The following CDC123 variants were observed in gnomAD, a reference collection of about 807,000 sequenced individuals.
CDC123 encodes the protein translation initiation factor eIF2 assembly protein.
Under a neutral mutation model 54.4 loss-of-function variants are expected in CDC123, and 37 were observed. The ratio of observed to expected loss-of-function variants is 0.68; its 90% confidence interval spans 0.52 to 0.89. The LOEUF is 0.89. CDC123 is among the 40% of genes least tolerant of loss of function. The pLI is 0.00. For missense variants in CDC123, 361 were observed against 412.1 expected (o/e 0.88, Z 1.07); for synonymous variants, 144 against 136.8 (o/e 1.05, Z -0.37).
chr10:12,248,323 C>T (rs1399822139), intron 11 of CDC123, among the ~76,000 whole-genome samples: 1 of 151,860 alleles, frequency 6.6e-6, no homozygotes, highest in Non-Finnish European at 1.5e-5. Flanking sequence ...GCCTGGCCAA[C>T]ATGGTGAAAC....
chr10:12,216,849 C>G (rs1161093917), intron 5 of CDC123, among the ~76,000 whole-genome samples: 1 of 152,152 alleles, frequency 6.6e-6, no homozygotes, highest in African/African-American at 2.4e-5. Context: ...GAGACATTCA[C>G]CATTTAAAGT....
At chr10:12,242,932 ACT>A (rs1453131058) in intron 10 of CDC123, among the ~76,000 whole-genome samples, 1 of 151,090 alleles carries the variant, frequency 6.6e-6, no homozygotes, top group African/African-American at 2.4e-5. Context: ...ACAGGGCGAG[ACT>A]CTGTCTCAAA....
chr10:12,248,076 A>G (rs755087966), intron 11 of CDC123, among the ~76,000 whole-genome samples: 3 of 152,232 alleles, frequency 2.0e-5, no homozygotes, highest in Non-Finnish European at 2.9e-5. Flanking sequence ...CTTGAGAACC[A>G]GTGTTTATAT....
intron 10 of CDC123, chr10:12,245,924 G>T: frequency 2.6e-6 from 1 of 389,764 alleles, no homozygotes; most frequent in Non-Finnish European, 4.6e-6. Flanking sequence ...ACAAAAATTA[G>T]CTGCATGTGG....
chr10:12,229,234 G>A (rs995364772), intron 6 of CDC123, among the ~76,000 whole-genome samples: 4 of 152,132 alleles, frequency 2.6e-5, no homozygotes, highest in Non-Finnish European at 5.9e-5. Flanking sequence ...TTAAACCCCT[G>A]GTACCTGTGA....
chr10:12,203,062 TGAAGAGATGCGTAGGGTGAGGTGTAGGG>T (rs1219579454), intron 2 of CDC123, among the ~76,000 whole-genome samples: 14 of 152,324 alleles, frequency 9.2e-5, no homozygotes, highest in African/African-American at 3.4e-4. Context: ...TGGATACAGA[TGAAGAGATGCGTAGGGTGAGGTGTAGGG>T]GAAGGGATGC....
intron 10 of CDC123, among the ~76,000 whole-genome samples, chr10:12,242,393 G>A (rs11257613): frequency 0.47 from 72,178 of 151,958 alleles, 17,557 homozygotes; most frequent in Middle Eastern, 0.56. Flanking sequence ...CATTGCCATT[G>A]TTGGATGGCT....
intron 2 of CDC123, among the ~76,000 whole-genome samples, chr10:12,199,854 G>A (rs541841986): frequency 2.0e-5 from 3 of 152,018 alleles, no homozygotes; most frequent in South Asian, 2.1e-4. Context: ...ACAGAGTCTC[G>A]CTCTGTCACC....
chr10:12,215,751 T>G lies in CDC123; in HGVS notation c.249T>G (p.Phe83Leu). The part of the protein sequence containing the change: ...ENTATLTAPE[F>L]PEFATKVQEA... Reference sequence around the variant, plus strand: ...TTCTCTCTCTGTAGGCACCAGAATTTCCTGAGTTTGCCACTAAAGTCCAGG... The same window carrying G: ...TTCTCTCTCTGTAGGCACCAGAATTGCCTGAGTTTGCCACTAAAGTCCAGG... Residue 83 changes from phenylalanine to leucine, a missense_variant, in exon 5 of 13, where the codon TTT becomes TTG. Phe to Leu is a conservative substitution (Grantham distance 22). Coordinates refer to ENST00000281141, the MANE Select transcript of CDC123 (RefSeq NM_006023.3). 1 of 1,609,454 alleles carries G rather than the reference T, an allele frequency of 6.2e-7. No homozygotes were observed. The highest frequency in any genetic ancestry group is 8.5e-7 in the Non-Finnish European group (1 of 1,177,924).
At chr10:12,222,775 A>G (rs1402042885) in intron 6 of CDC123, among the ~76,000 whole-genome samples, 2 of 152,206 alleles carry the variant, frequency 1.3e-5, no homozygotes, top group African/African-American at 4.8e-5. Flanking sequence ...TTTTTTCAAG[A>G]TAGAGTCTCA....
chr10:12,200,119 C>CCTTTTTTTTTTTTTTTT (rs1564431631), intron 2 of CDC123, among the ~76,000 whole-genome samples: 7 of 24,278 alleles, frequency 2.9e-4, no homozygotes, highest in African/African-American at 8.0e-4. Context: ...CCGCACTCGG[C>CCTTTTTTTTTTTTTTTT]ATTTTTTTTT....
At chr10:12,197,348 T>C (rs780255079) in intron 1 of CDC123, among the ~76,000 whole-genome samples, 1 of 151,604 alleles carries the variant, frequency 6.6e-6, no homozygotes, top group Non-Finnish European at 1.5e-5. Context: ...GTAATAAGAT[T>C]TGTTAGAAGA....
At position 12,228,954 on chromosome 10, in the gene CDC123, A is replaced by G. The variant is rs548250700; in HGVS notation, c.441-1994A>G. On this transcript the variant is annotated intron_variant, in intron 6 of 12. Transcript: ENST00000281141. ...GGTCTCGAGTTCCTGAACTCAAGCA[A>G]TCGGCCCGCCTCAGCCTCCCAGAGT... Among the ~76,000 whole-genome samples, 9 of 152,264 alleles carry G rather than the reference A, an allele frequency of 5.9e-5. No homozygotes were observed. The East Asian group carries it at 7.7e-4, about 13-fold the overall frequency.
intron 11 of CDC123, among the ~76,000 whole-genome samples, chr10:12,248,699 G>T (rs113821372): frequency 6.6e-6 from 1 of 152,048 alleles, no homozygotes; most frequent in Admixed American, 6.6e-5. Context: ...CCAGCCACTC[G>T]GGAGGCTGAG....
chr10:12,211,269 A>T (rs1835596631), intron 4 of CDC123, among the ~76,000 whole-genome samples: 1 of 152,094 alleles, frequency 6.6e-6, no homozygotes, highest in Non-Finnish European at 1.5e-5. Context: ...TTTTAGTGAA[A>T]CTCCTTACAA....
chr10:12,220,809 C>G (rs904847352), intron 6 of CDC123, among the ~76,000 whole-genome samples: 2 of 152,094 alleles, frequency 1.3e-5, no homozygotes, highest in African/African-American at 4.8e-5. Context: ...AACCCCGTCT[C>G]TACTGAAAAT....
chr10:12,249,681 G>A lies in CDC123; in HGVS notation c.947G>A (p.Gly316Glu). 1 of 1,614,076 alleles carries A rather than the reference G, an allele frequency of 6.2e-7. No individual in the cohort carries two copies. The highest frequency in any genetic ancestry group is 8.5e-7 in the Non-Finnish European group (1 of 1,180,012). The part of the protein sequence containing the change: ...LPKDFVDLST[G>E]EDAHKLIDFL... ...AAGGACTTTGTAGACCTCTCTACTG[G>A]GGAGGACGCTCACAAGCTAATAGAC... The change falls in exon 12 of 13, where the codon GGG becomes GAG. Residue 316 changes from glycine (G) to glutamate (E), a missense_variant. By Grantham distance (98) the Gly-to-Glu change is moderately conservative. Transcript: ENST00000281141.
rs1206648026 is a variant in CDC123 at position 12,228,070 on chromosome 10, G to A, written c.441-2878G>A. On this transcript the variant is annotated intron_variant, in intron 6 of 12. Coordinates refer to ENST00000281141, the MANE Select transcript of CDC123 (RefSeq NM_006023.3). Reference sequence around the variant, plus strand: ...CCCGCCTCAGCCTTCTGAGTAGCTGGGATGACAGGCTTGAGCCTCCGTACC... The same window carrying A: ...CCCGCCTCAGCCTTCTGAGTAGCTGAGATGACAGGCTTGAGCCTCCGTACC... 3.3e-5 allele frequency among the ~76,000 whole-genome samples: 5 copies of A among 151,952 alleles called. No homozygotes were observed. In the East Asian group the frequency reaches 9.6e-4, roughly 29 times the overall value.
intron 11 of CDC123, among the ~76,000 whole-genome samples, chr10:12,249,364 G>C (rs1268510432): frequency 1.3e-5 from 2 of 152,172 alleles, no homozygotes; most frequent in Non-Finnish European, 2.9e-5. Flanking sequence ...CCTGAGCCCA[G>C]GAGGTCGAGG....
Sources: allele counts gnomAD v4.1 joint callset (sites outside exome capture counted in the v4.1 genomes callset), GRCh38; gene constraint gnomAD v4.1.1; transcripts MANE v1.5; gene names NCBI Gene and HGNC (gene_info 2026-07-23, HGNC 2026-07-21).